Variants in ZNF827 observed in about 807,000 individuals in gnomAD.
The protein encoded by ZNF827 is zinc finger protein 827.
A neutral mutation model predicts 102.4 loss-of-function variants in ZNF827; 13 were observed. The ratio of observed to expected loss-of-function variants is 0.13; its 90% CI spans 0.08 to 0.20. ZNF827 has a LOEUF of 0.20. Among genes scored for constraint, ZNF827 ranks in the 10% least tolerant of loss-of-function variants. The pLI is 1.00. For missense variants in ZNF827, 1,103 were observed against 1,344.4 expected (o/e 0.82, Z 2.81); for synonymous variants, 523 against 536.2 (o/e 0.98, Z 0.34).
At chr4:145,924,815 T>TA (rs1482418280) in intron 1 of ZNF827, among the ~76,000 whole-genome samples, 1 of 152,228 alleles carries the variant, frequency 6.6e-6, no homozygotes. Context: ...CTTCTTATCT[T>TA]TACATTACTA....
rs780892029 is a variant in ZNF827, at chr4:145,892,419, GGAA to G, written c.1094-7_1094-5del. On this transcript the variant is annotated splice_region_variant and splice_polypyrimidine_tract_variant and intron_variant, in intron 2 of 14. Transcript: ENST00000508784. ...TTTCCACTTTCCTCTTCTGAGGCTT[GGAA>G]GAAGGAGAAAGAAAGGACCATTAAG... 5.0e-6 allele frequency: 8 copies of G among 1,607,906 alleles called. No homozygotes were observed. In the South Asian group the frequency reaches 5.5e-5, roughly 11 times the overall value.
intron 1 of ZNF827, among the ~76,000 whole-genome samples, chr4:145,934,502 T>C (rs2127005536): frequency 6.6e-6 from 1 of 152,354 alleles, no homozygotes; most frequent in East Asian, 1.9e-4. Context: ...CATGGGTGTC[T>C]AACTGAACAG....
intron 8 of ZNF827, among the ~76,000 whole-genome samples, chr4:145,811,920 C>CT (rs1333047563): frequency 3.5e-5 from 5 of 141,104 alleles, no homozygotes; most frequent in South Asian, 2.2e-4. Context: ...TAACTCCAAG[C>CT]TTTTTTTTTT....
chr4:145,836,252 C>T (rs1224355140), intron 7 of ZNF827, among the ~76,000 whole-genome samples: 2 of 105,046 alleles, frequency 1.9e-5, no homozygotes, highest in African/African-American at 3.7e-5. Flanking sequence ...ACCCAAGCAC[C>T]TTCTACAAAA....
At chr4:145,776,959 T>C (rs1315332658) in intron 9 of ZNF827, among the ~76,000 whole-genome samples, 2 of 152,204 alleles carry the variant, frequency 1.3e-5, no homozygotes, top group African/African-American at 2.4e-5. Context: ...GGAGCAGGCT[T>C]TGCTTTCATC....
At chr4:145,829,374 A>C (rs1167815146) in intron 7 of ZNF827, among the ~76,000 whole-genome samples, 1 of 152,176 alleles carries the variant, frequency 6.6e-6, no homozygotes, top group African/African-American at 2.4e-5. Flanking sequence ...CACAGAGACA[A>C]ATTACCTTAG....
In ZNF827 at chr4:145,894,969, G is replaced by C. The variant is rs531058654; in HGVS notation, c.1094-2554C>G. Reference sequence around the variant, plus strand: ...AATCAGGCCTCTAGGTGAAATTATTGTCATACACTACAGGGAAATAATCAT... The same window carrying C: ...AATCAGGCCTCTAGGTGAAATTATTCTCATACACTACAGGGAAATAATCAT... On this transcript the variant is annotated intron_variant, in intron 2 of 14. Coordinates refer to ENST00000508784, the MANE Select transcript of ZNF827 (RefSeq NM_001306215.2). Among the ~76,000 whole-genome samples, 30 of 152,226 alleles carry C rather than the reference G, an allele frequency of 2.0e-4. No homozygotes were observed. In the South Asian group the frequency reaches 5.8e-3, roughly 29 times the overall value.
chr4:145,889,423 G>A (rs917215099), intron 3 of ZNF827, among the ~76,000 whole-genome samples: 24 of 152,154 alleles, frequency 1.6e-4, no homozygotes, highest in East Asian at 1.5e-3. Context: ...CTCCATTAGT[G>A]GAAACAGAGG....
chr4:145,810,461 GA>G (rs1358302703), intron 8 of ZNF827, among the ~76,000 whole-genome samples: 4 of 151,826 alleles, frequency 2.6e-5, no homozygotes, highest in Admixed American at 2.0e-4. Flanking sequence ...GTAAATTGAT[GA>G]AAAAAATAGA....
chr4:145,817,561 C>T (rs534898607), intron 8 of ZNF827, among the ~76,000 whole-genome samples: 65 of 152,178 alleles, frequency 4.3e-4, no homozygotes, highest in African/African-American at 1.5e-3. Context: ...GAGGAACTGC[C>T]GAACACTTAA....
chr4:145,883,553 T>C (rs1749856502), intron 4 of ZNF827, among the ~76,000 whole-genome samples: 1 of 152,168 alleles, frequency 6.6e-6, no homozygotes, highest in South Asian at 2.1e-4. Context: ...CTAGAGCTAA[T>C]TACAGCGTAA....
intron 10 of ZNF827, among the ~76,000 whole-genome samples, chr4:145,775,543 A>C (rs1053407687): frequency 1.3e-5 from 2 of 151,894 alleles, no homozygotes; most frequent in South Asian, 2.1e-4. Flanking sequence ...CTCTGTCTGG[A>C]GCTCCACCCC....
chr4:145,829,722 AC>A (rs1744021188), intron 7 of ZNF827, among the ~76,000 whole-genome samples: 1 of 152,196 alleles, frequency 6.6e-6, no homozygotes, highest in African/African-American at 2.4e-5. Context: ...TCCCCAGCAG[AC>A]CTCAGCCCCT....
intron 8 of ZNF827, among the ~76,000 whole-genome samples, chr4:145,809,619 C>T (rs1741817932): frequency 6.6e-6 from 1 of 152,170 alleles, no homozygotes; most frequent in African/African-American, 2.4e-5. Flanking sequence ...TCCCCAGTTG[C>T]TTCTATAGAT....
chr4:145,859,185 C>A (rs933288423), intron 5 of ZNF827, among the ~76,000 whole-genome samples: 2 of 151,990 alleles, frequency 1.3e-5, no homozygotes, highest in African/African-American at 4.8e-5. Context: ...GATATGGTAG[C>A]AATAGATGGG....
At chr4:145,882,190 G>C (rs539040738) in intron 4 of ZNF827, among the ~76,000 whole-genome samples, 1 of 152,292 alleles carries the variant, frequency 6.6e-6, no homozygotes, top group Admixed American at 6.5e-5. Flanking sequence ...TGGCTCACCT[G>C]CCCTGACATG....
chr4:145,786,808 T>C (rs1738930278), intron 8 of ZNF827, among the ~76,000 whole-genome samples: 1 of 152,200 alleles, frequency 6.6e-6, no homozygotes, highest in Non-Finnish European at 1.5e-5. Flanking sequence ...CTCGTCTGTA[T>C]CCCTTTTTAA....
chr4:145,842,861 G>C (rs967023539), intron 7 of ZNF827, among the ~76,000 whole-genome samples: 2 of 152,162 alleles, frequency 1.3e-5, no homozygotes, highest in Admixed American at 1.3e-4. Context: ...TTTCTTCTAG[G>C]AAATCAAACA....
At position 145,870,234 on chromosome 4, in the gene ZNF827, A is replaced by G. The variant is rs1443706497; in HGVS notation, c.1981+11T>C. On this transcript the variant is annotated intron_variant, in intron 5 of 14. Transcript: ENST00000508784. ...TATCAGAATGTGAATATTTTAGAAT[A>G]AATCAAGTACCTGAGAGTTTCATGA... 5 of 1,612,142 alleles carry G rather than the reference A, an allele frequency of 3.1e-6. No homozygotes were observed. In the South Asian group the frequency reaches 5.5e-5, roughly 18 times the overall value.
Sources: gnomAD v4.1 joint callset for allele counts (sites outside exome capture counted in the v4.1 genomes callset) on GRCh38, gnomAD v4.1.1 for gene constraint, MANE v1.5 for transcripts, NCBI Gene and HGNC (gene_info 2026-07-23, HGNC 2026-07-21) for gene names.